KCNJ8: variants seen among roughly 807,000 people sequenced by gnomAD.
KCNJ8 encodes the protein ATP-sensitive inward rectifier potassium channel 8.
A neutral mutation model predicts 28.2 loss-of-function variants in KCNJ8; 13 were observed. The ratio of observed to expected loss-of-function variants is 0.46; its 90% CI spans 0.30 to 0.73. The LOEUF is 0.73. Ranked by LOEUF, KCNJ8 falls within the 30% of genes least tolerant of loss-of-function variation. The pLI, the probability that KCNJ8 is intolerant of heterozygous loss-of-function variation, is 0.07. For synonymous variants in KCNJ8, 188 were observed against 195.9 expected, an observed-to-expected ratio of 0.96 and a Z score of 0.34; for missense variants, 284 against 542.6, an observed-to-expected ratio of 0.52 and a Z score of 4.73.
intron 2 of KCNJ8, among the ~76,000 whole-genome samples, chr12:21,770,388 G>T (rs1156830579): frequency 6.6e-6 from 1 of 152,038 alleles, no homozygotes; most frequent in African/African-American, 2.4e-5. Flanking sequence ...GGAAACAAAA[G>T]GTTTGTGTAA....
chr12:21,766,779 G>A lies in KCNJ8; in HGVS notation c.375-156C>T, dbSNP rs1940632721. ...CTTGTAAAATGCCTAATTCTAAACT[G>A]TGTTTAGAACAGTCTCTCTCTCTCT... On this transcript the variant is annotated intron_variant, in intron 2 of 2. Transcript: ENST00000240662. The surrounding 1 kb of genome is among the most constrained non-coding windows in gnomAD (Gnocchi z 6.5). 5 of 688,550 alleles carry A rather than the reference G, an allele frequency of 7.3e-6. No homozygotes were observed. The South Asian group carries it at 8.2e-5, about 11-fold the overall frequency. The allele number at this position is 688,550 out of a possible 1,614,324, so 42.7% of individuals were successfully genotyped here. A position where few individuals can be genotyped will look rare whatever the true frequency, so the allele number is the denominator to read the frequency against.
rs1321913000 is a variant in KCNJ8, at chr12:21,773,713, A to C, written c.-70-27T>G. The C allele has an allele frequency of 1.3e-6, 2 of 1,561,566 alleles. No homozygotes were observed. Among genetic ancestry groups the C allele is most frequent in the African/African-American group, 2.7e-5 (2 of 74,040 alleles). ...TGCACGAGGGAAACATTTATTAAAAACTTAAAAACCCACCCTATCCTCACC... is the reference window on the plus strand; with the variant it reads ...TGCACGAGGGAAACATTTATTAAAACCTTAAAAACCCACCCTATCCTCACC... On this transcript the variant is annotated intron_variant, in intron 1 of 2. Transcript: ENST00000240662. This position sits in a 1 kb window ranked among gnomAD's most constrained non-coding sequence, Gnocchi z 4.6.
chr12:21,771,966 G>T (rs1391449030), intron 2 of KCNJ8, among the ~76,000 whole-genome samples: 17 of 152,166 alleles, frequency 1.1e-4, no homozygotes, highest in Admixed American at 1.1e-3. Flanking sequence ...TTTGAAAAAA[G>T]AAAATAATAT....
chr12:21,767,310 C>CG (rs1398745025), intron 2 of KCNJ8, among the ~76,000 whole-genome samples: 22 of 61,906 alleles, frequency 3.6e-4, no homozygotes, highest in African/African-American at 1.2e-3. Context: ...GGTCCCCAAC[C>CG]CCCCCCCCCC....
intron 1 of KCNJ8, 122 bp downstream of exon 1, chr12:21,774,424 G>A (rs1463222502): frequency 6.6e-6 from 1 of 151,846 alleles, no homozygotes; most frequent in African/African-American, 2.4e-5. Context: ...TTGCAGTAGG[G>A]AGTGTGCCCC....
chr12:21,773,684 C>T lies in KCNJ8; in HGVS notation c.-68G>A. The stretch of plus-strand genomic sequence containing the variant: ...GCCTCTCCGTCCCTGGACACCCGTC[C>T]TCCTGCACGAGGGAAACATTTATTA... On this transcript the variant is annotated splice_region_variant and 5_prime_UTR_variant, in exon 2 of 3. Coordinates refer to ENST00000240662, the MANE Select transcript of KCNJ8 (RefSeq NM_004982.4). This position sits in a 1 kb window ranked among gnomAD's most constrained non-coding sequence, Gnocchi z 4.6. 6.3e-7 allele frequency: 1 copy of T among 1,598,636 alleles called. No homozygotes were observed.
Position 21,766,697 on chromosome 12 carries a change from T to C in KCNJ8, c.375-74A>G, listed in dbSNP as rs1591884118. Reference sequence around the variant, plus strand: ...TAATGAAATATGCCAAGCTGAGCTTTTCATTTTCTTCCACCAAAGACTATT... The same window carrying C: ...TAATGAAATATGCCAAGCTGAGCTTCTCATTTTCTTCCACCAAAGACTATT... On this transcript the variant is annotated intron_variant, in intron 2 of 2. Coordinates refer to ENST00000240662, the MANE Select transcript of KCNJ8 (RefSeq NM_004982.4). The surrounding 1 kb of genome is among the most constrained non-coding windows in gnomAD (Gnocchi z 6.5). The C allele has an allele frequency of 1.6e-6, 2 of 1,237,978 alleles. No individual in the cohort carries two copies. The highest frequency in any genetic ancestry group is 2.9e-5 in the African/African-American group (2 of 67,824). 76.7% of individuals were successfully genotyped at this position (1,237,978 alleles called of 1,614,324 possible).
rs1479724820 is a variant in KCNJ8, at chr12:21,773,127, C to G, written c.374+116G>C. On this transcript the variant is annotated intron_variant, in intron 2 of 2. Coordinates refer to ENST00000240662, the MANE Select transcript of KCNJ8 (RefSeq NM_004982.4). This position sits in a 1 kb window ranked among gnomAD's most constrained non-coding sequence, Gnocchi z 4.6. ...TTGTGCTTTTTTGTTTCTGAAGATT[C>G]TAAAACAAACCCTTTATTTCACTTT... The G allele has an allele frequency of 7.9e-6, 10 of 1,272,200 alleles. No homozygotes were observed. Among genetic ancestry groups the G allele is most frequent in the Middle Eastern group, 1.9e-4 (1 of 5,324 alleles). The allele number at this position is 1,272,200 out of a possible 1,614,324, so 78.8% of individuals were successfully genotyped here. A position where few individuals can be genotyped will look rare whatever the true frequency, so the allele number is the denominator to read the frequency against.
chr12:21,768,128 C>G (rs1382718994), intron 2 of KCNJ8, among the ~76,000 whole-genome samples: 1 of 152,174 alleles, frequency 6.6e-6, no homozygotes, highest in Non-Finnish European at 1.5e-5. Context: ...AAGGAGCCCG[C>G]AGCCTAGATC....
At chr12:21,769,115 C>T (rs1220223865) in intron 2 of KCNJ8, among the ~76,000 whole-genome samples, 1 of 152,174 alleles carries the variant, frequency 6.6e-6, no homozygotes, top group East Asian at 1.9e-4. Flanking sequence ...GAAGTCAATG[C>T]TTGGCTTCAA....
chr12:21,765,933 G>T lies in KCNJ8; in HGVS notation c.1065C>A (p.Ala355=). 6.2e-7 allele frequency: 1 copy of T among 1,614,134 alleles called. No individual in the cohort carries two copies. Among genetic ancestry groups the T allele is most frequent in the Non-Finnish European group, 8.5e-7 (1 of 1,180,018 alleles). Residue 355 remains alanine, a synonymous_variant, in exon 3 of 3, where the codon GCC becomes GCA. Transcript: ENST00000240662. ...TGGAAGGTTTCTCATCCAGCTCTCG[G>T]GCACTGCACCGTGGAGCAGCTACTT... is the stretch of plus-strand genomic sequence containing the variant. ...TVKVAAPRCS[A]RELDEKPSIL...
chr12:21,771,912 T>C (rs1005462416), intron 2 of KCNJ8, among the ~76,000 whole-genome samples: 1 of 152,220 alleles, frequency 6.6e-6, no homozygotes, highest in Non-Finnish European at 1.5e-5. Context: ...TGATGATCTA[T>C]GTTTTCCAGC....
intron 1 of KCNJ8, among the ~76,000 whole-genome samples, chr12:21,774,257 G>T (rs973532645): frequency 2.0e-5 from 3 of 150,992 alleles, no homozygotes; most frequent in Non-Finnish European, 4.4e-5. Context: ...TTTTAAATGC[G>T]AAAGAAGTAT....
At position 21,773,440 on chromosome 12, in the gene KCNJ8, G is replaced by T. The variant is rs1336701323; in HGVS notation, c.177C>A (p.Asp59Glu). 6.2e-7 allele frequency: 1 copy of T among 1,614,266 alleles called. No homozygotes were observed. Among genetic ancestry groups the T allele is most frequent in the Non-Finnish European group, 8.5e-7 (1 of 1,180,044 alleles). ...TCAGGTCCACCAAGGTGGTGAAGAT[G>T]TCCTGTAGAAAGCGTCCTTGCTCAC... ...NIREQGRFLQ[D>E]IFTTLVDLKW... The change falls in exon 2 of 3, where the codon GAC (aspartate) becomes GAA (glutamate). Residue 59 changes from aspartate (D) to glutamate (E), a missense_variant. Transcript: ENST00000240662. The surrounding 1 kb of genome is among the most constrained non-coding windows in gnomAD (Gnocchi z 4.6).
intron 2 of KCNJ8, among the ~76,000 whole-genome samples, chr12:21,772,500 C>G (rs1052786376): frequency 9.9e-5 from 15 of 152,084 alleles, no homozygotes; most frequent in African/African-American, 3.6e-4. Context: ...GAGAAAGAAG[C>G]CAAAGTTAGG....
In KCNJ8 at chr12:21,770,742, C is replaced by T. The variant is rs74069150; in HGVS notation, c.374+2501G>A. 9.9e-3 allele frequency among the ~76,000 whole-genome samples: 1,501 copies of T among 152,308 alleles called. 26 individuals are homozygous for T. Among genetic ancestry groups the T allele is most frequent in the African/African-American group, 0.034 (1,412 of 41,562 alleles). On this transcript the variant is annotated intron_variant, in intron 2 of 2. Transcript: ENST00000240662. ...CAATTTATAACACTTAATTTCACAA[C>T]AAGTACTGCTGTGGCTTCTTCATAG... is the stretch of plus-strand genomic sequence containing the variant.
chr12:21,773,327 G>A lies in KCNJ8; in HGVS notation c.290C>T (p.Ala97Val). 1.2e-6 allele frequency: 2 copies of A among 1,614,156 alleles called. No homozygotes were observed. The highest frequency in any genetic ancestry group is 8.5e-7 in the Non-Finnish European group (1 of 1,180,032). ...FAIMWWLVAF[A>V]HGDIYAYMEK... ...CATGTAAGCATAGATGTCCCCATGG[G>A]CAAAGGCCACCAGCCACCACATGAT... is the stretch of plus-strand genomic sequence containing the variant. Residue 97 changes from alanine to valine, a missense_variant, in exon 2 of 3, where the codon GCC (alanine) becomes GTC (valine). This residue lies in a region of KCNJ8 where 42 missense variants were observed against 50.9 expected (regional missense o/e 0.83). Transcript: ENST00000240662. The surrounding 1 kb of genome is among the most constrained non-coding windows in gnomAD (Gnocchi z 4.6).
At chr12:21,769,098 C>G (rs1940700492) in intron 2 of KCNJ8, among the ~76,000 whole-genome samples, 1 of 152,186 alleles carries the variant, frequency 6.6e-6, no homozygotes, top group Admixed American at 6.5e-5. Flanking sequence ...ACTTTCATAA[C>G]TAGATAGAAG....
chr12:21,767,317 CCCCCCA>C (rs201402912), intron 2 of KCNJ8, among the ~76,000 whole-genome samples: 5,306 of 126,960 alleles, frequency 0.042, 480 homozygotes, highest in African/African-American at 0.15. Flanking sequence ...AACCCCCCCC[CCCCCCA>C]CCTCCAGGCC....
Sources: allele counts gnomAD v4.1 joint callset (sites outside exome capture counted in the v4.1 genomes callset), GRCh38; gene constraint gnomAD v4.1.1; regional missense constraint gnomAD v4.1.1; non-coding constraint Gnocchi (gnomAD v3.1); transcripts MANE v1.5; gene names NCBI Gene and HGNC (gene_info 2026-07-23, HGNC 2026-07-21).